The following ATP6V1C1 variants were observed in gnomAD, a reference collection of about 807,000 sequenced individuals.
ATP6V1C1 encodes V-type proton ATPase subunit C 1.
Under a neutral mutation model 53.9 loss-of-function variants are expected in ATP6V1C1, and 45 were observed. The ratio of observed to expected loss-of-function variants is 0.83; its 90% CI spans 0.66 to 1.07. ATP6V1C1 has a LOEUF of 1.07. Ranked by LOEUF, ATP6V1C1 falls within the 50% of genes least tolerant of loss-of-function variation. The pLI is 0.00. For missense variants in ATP6V1C1, 315 were observed against 440.3 expected (o/e 0.72, Z 2.55); for synonymous variants, 153 against 155.2 (o/e 0.99, Z 0.11).
intron 2 of ATP6V1C1, among the ~76,000 whole-genome samples, chr8:103,041,949 G>A (rs956218438): frequency 1.3e-5 from 2 of 152,168 alleles, no homozygotes; most frequent in African/African-American, 4.8e-5. Context: ...GAGACAAGAT[G>A]TTTCCTCCAA....
chr8:103,040,885 C>T lies in ATP6V1C1; in HGVS notation c.49C>T (p.Gln17Ter). ...ISAPGEKTCQ[Q>*]TWEKLHAATS... ...TGCTCCTGGGGAGAAAACCTGTCAG[C>T]AAACATGGGAGAAATTGCATGCGGC... The change falls in exon 2 of 13, where the codon CAA becomes TAA. Residue 17 changes from glutamine to a stop codon, truncating the protein, a stop_gained. Transcript: ENST00000518738. LOFTEE classifies it high-confidence loss of function. The T allele has an allele frequency of 6.2e-7, 1 of 1,614,034 alleles. No individual in the cohort carries two copies. Among genetic ancestry groups the T allele is most frequent in the Non-Finnish European group, 8.5e-7 (1 of 1,179,952 alleles).
In ATP6V1C1 at chr8:103,048,896, T is replaced by C; in HGVS notation, c.227T>C (p.Met76Thr). ...GTGGTTAAGAAAGTAGCTCAATACA[T>C]GGCTGATGTATTGGAAGATAGCAAA... ...EGVVKKVAQY[M>T]ADVLEDSKDK... The change falls in exon 4 of 13, where the codon ATG becomes ACG. Residue 76 changes from methionine to threonine, a missense_variant. Met to Thr is a moderately conservative substitution (Grantham distance 81, BLOSUM62 -1). Transcript: ENST00000518738. 1 of 1,613,400 alleles carries C rather than the reference T, an allele frequency of 6.2e-7. No individual in the cohort carries two copies. The highest frequency in any genetic ancestry group is 8.5e-7 in the Non-Finnish European group (1 of 1,179,660).
intron 6 of ATP6V1C1, 117 bp downstream of exon 6, chr8:103,052,939 GGT>G (rs1218607372): frequency 8.5e-6 from 5 of 588,990 alleles, no homozygotes; most frequent in Non-Finnish European, 1.1e-5. Context: ...TAATCAAAAT[GGT>G]ATTTCTTTTA....
In ATP6V1C1 at chr8:103,026,543, C is replaced by T. The variant is rs546923419; in HGVS notation, c.-40+5318C>T. Among the ~76,000 whole-genome samples the T allele has an allele frequency of 5.9e-5, 9 of 152,264 alleles. No homozygotes were observed. In the South Asian group the frequency reaches 1.0e-3, roughly 18 times the overall value. ...AGGCGGGGCTGGGTGTGGTGGCTCA[C>T]GCCTGTAATCCCAGCACTTTGGGAA... On this transcript the variant is annotated intron_variant, in intron 1 of 12. Transcript: ENST00000518738.
chr8:103,043,910 A>G (rs563145173), intron 3 of ATP6V1C1, among the ~76,000 whole-genome samples: 2 of 152,048 alleles, frequency 1.3e-5, no homozygotes, highest in African/African-American at 4.8e-5. Context: ...TCTTCTTGAG[A>G]CAGAGTCTCG....
At chr8:103,029,095 A>G (rs1377467425) in intron 1 of ATP6V1C1, among the ~76,000 whole-genome samples, 1 of 151,720 alleles carries the variant, frequency 6.6e-6, no homozygotes, top group Non-Finnish European at 1.5e-5. Context: ...AATTGTTGAC[A>G]GTTTTTTTTT....
intron 7 of ATP6V1C1, among the ~76,000 whole-genome samples, chr8:103,054,728 G>A (rs1447176466): frequency 6.6e-6 from 1 of 152,074 alleles, no homozygotes; most frequent in Non-Finnish European, 1.5e-5. Context: ...GTGTGTCTGT[G>A]TAGCACTATT....
chr8:103,040,738 G>T, intron 1 of ATP6V1C1, 60 bp from the exon 2 acceptor site: 1 of 1,437,446 alleles, frequency 7.0e-7, no homozygotes. Context: ...CTATGATTCT[G>T]AAACACTTTA....
chr8:103,045,737 C>A lies in ATP6V1C1; in HGVS notation c.201-3133C>A, dbSNP rs3116470. On this transcript the variant is annotated intron_variant, in intron 3 of 12. Transcript: ENST00000518738. ...TGGGCGGATCATGAGGTCAGGAGATCGAGACCATCCTGGCTAACACGATGA... is the reference window on the plus strand; with the variant it reads ...TGGGCGGATCATGAGGTCAGGAGATAGAGACCATCCTGGCTAACACGATGA... Among the ~76,000 whole-genome samples the A allele has an allele frequency of 5.9e-5, 9 of 151,276 alleles. No individual in the cohort carries two copies. The South Asian group carries it at 8.3e-4, about 14-fold the overall frequency.
rs982358146 is a variant in ATP6V1C1, at chr8:103,053,789, A to G, written c.474-95A>G. ...CTAAGACTAATCCCTCTCAATGTAT[A>G]TATAGTATATGTGAAAATGATTAGC... On this transcript the variant is annotated intron_variant, in intron 6 of 12. Transcript: ENST00000518738. 8.1e-6 allele frequency: 7 copies of G among 868,208 alleles called. No individual in the cohort carries two copies. The African/African-American group carries it at 1.2e-4, about 15-fold the overall frequency. The allele number at this position is 868,208 out of a possible 1,614,324, so 53.8% of individuals were successfully genotyped here.
At chr8:103,059,431 G>A (rs1206158543) in intron 8 of ATP6V1C1, among the ~76,000 whole-genome samples, 5 of 152,044 alleles carry the variant, frequency 3.3e-5, no homozygotes, top group South Asian at 2.1e-4. Flanking sequence ...TTGCCCTGTA[G>A]TATATGGCAG....
At position 103,057,855 on chromosome 8, in the gene ATP6V1C1, T is replaced by C. The variant is rs569862313; in HGVS notation, c.641+1919T>C. Among the ~76,000 whole-genome samples, 3 of 152,276 alleles carry C rather than the reference T, an allele frequency of 2.0e-5. No homozygotes were observed. The South Asian group carries it at 6.2e-4, about 32-fold the overall frequency. On this transcript the variant is annotated intron_variant, in intron 8 of 12. Coordinates refer to ENST00000518738, the MANE Select transcript of ATP6V1C1 (RefSeq NM_001695.5). ...GTTTTTTTTTTCATTTGGAGGAATA[T>C]CTTTCCTTCATACCAGCTCTTCACA...
Position 103,046,742 on chromosome 8 carries a change from G to A in ATP6V1C1, c.201-2128G>A, listed in dbSNP as rs75930516. Among the ~76,000 whole-genome samples, 732 of 152,276 alleles carry A rather than the reference G, an allele frequency of 4.8e-3. 5 individuals carry two copies. Among genetic ancestry groups the A allele is most frequent in the African/African-American group, 0.017 (690 of 41,554 alleles). ...TAGCTTAATGACTTAAATGCTCCAA[G>A]TGTTAAAGGCCAAATATTGTAGAAT... On this transcript the variant is annotated intron_variant, in intron 3 of 12. Transcript: ENST00000518738.
intron 4 of ATP6V1C1, among the ~76,000 whole-genome samples, chr8:103,049,604 A>G (rs1172130689): frequency 1.3e-5 from 2 of 152,102 alleles, no homozygotes; most frequent in African/African-American, 4.8e-5. Context: ...ATTTTGCTTC[A>G]TTTAAAATCA....
At chr8:103,035,387 G>C (rs962657897) in intron 1 of ATP6V1C1, among the ~76,000 whole-genome samples, 1 of 152,106 alleles carries the variant, frequency 6.6e-6, no homozygotes, top group East Asian at 1.9e-4. Flanking sequence ...CTATTGCCAG[G>C]AATTTAGTGT....
intron 11 of ATP6V1C1, among the ~76,000 whole-genome samples, chr8:103,066,054 T>A (rs773504969): frequency 2.9e-4 from 44 of 151,760 alleles, no homozygotes; most frequent in Non-Finnish European, 5.0e-4. Context: ...AAAAAAAAAA[T>A]GAATGGTAAT....
chr8:103,029,267 T>TTCTCTC (rs965866747), intron 1 of ATP6V1C1, among the ~76,000 whole-genome samples: 1 of 140,208 alleles, frequency 7.1e-6, no homozygotes, highest in Non-Finnish European at 1.5e-5. Flanking sequence ...CTTCCTTCTT[T>TTCTCTC]TCTCTCTCTC....
intron 4 of ATP6V1C1, 86 bp from the exon 5 acceptor site, chr8:103,050,964 A>G (rs1454187672): frequency 4.5e-6 from 4 of 897,978 alleles, no homozygotes; most frequent in Middle Eastern, 3.2e-4. Context: ...CTCAATGCCA[A>G]TTTCAGCATT....
chr8:103,032,111 TGA>T (rs1816808447), intron 1 of ATP6V1C1, among the ~76,000 whole-genome samples: 1 of 152,118 alleles, frequency 6.6e-6, no homozygotes, highest in Admixed American at 6.5e-5. Context: ...AGCCACAGAA[TGA>T]GAGAAAATAT....
Sources: gnomAD v4.1 joint callset for allele counts (sites outside exome capture counted in the v4.1 genomes callset) on GRCh38, gnomAD v4.1.1 for gene constraint, MANE v1.5 for transcripts, NCBI Gene and HGNC (gene_info 2026-07-23, HGNC 2026-07-21) for gene names.